The following NINJ2 variants were observed in gnomAD, a reference collection of about 807,000 sequenced individuals.
NINJ2 encodes ninjurin-2.
A neutral mutation model predicts 11.7 loss-of-function variants in NINJ2; 12 were observed. That is an observed-to-expected ratio of 1.02 (90% CI 0.66 to 1.66). The LOEUF is 1.66. Ranked by LOEUF, NINJ2 falls within the 40% of genes most tolerant of loss-of-function variation. The pLI is 0.00. For synonymous variants in NINJ2, 93 were observed against 76.8 expected, an observed-to-expected ratio of 1.21 and a Z score of -1.10; for missense variants, 187 against 181.8, an observed-to-expected ratio of 1.03 and a Z score of -0.16.
intron 1 of NINJ2, among the ~76,000 whole-genome samples, chr12:639,998 G>A (rs959879546): frequency 3.3e-5 from 5 of 152,224 alleles, no homozygotes; most frequent in African/African-American, 7.2e-5. Flanking sequence ...CCAGGCCCCC[G>A]AATAGTGTAT....
chr12:630,289 T>C (rs1423850412), intron 1 of NINJ2, among the ~76,000 whole-genome samples: 1 of 152,194 alleles, frequency 6.6e-6, no homozygotes, highest in African/African-American at 2.4e-5. Flanking sequence ...GTTGTAATTA[T>C]AGCAGAGAGG....
chr12:627,159 G>A (rs571531199), intron 1 of NINJ2, among the ~76,000 whole-genome samples: 1 of 152,244 alleles, frequency 6.6e-6, no homozygotes, highest in East Asian at 1.9e-4. Flanking sequence ...CCTAATAACT[G>A]TTAACTATTA....
At chr12:630,058 C>T (rs1948260379) in intron 1 of NINJ2, among the ~76,000 whole-genome samples, 1 of 150,930 alleles carries the variant, frequency 6.6e-6, no homozygotes, top group Non-Finnish European at 1.5e-5. Flanking sequence ...TGAAAAAGAG[C>T]ACTCTTCAGC....
rs1301976948 is a variant in NINJ2 at position 591,696 on chromosome 12, T to A, written c.34-25518A>T. Among the ~76,000 whole-genome samples the A allele has an allele frequency of 6.6e-6, 1 of 152,140 alleles. No individual in the cohort carries two copies. Among genetic ancestry groups the A allele is most frequent in the East Asian group, 1.9e-4 (1 of 5,198 alleles). ...AGTGCAGTGTCACCAGTCTGGCTTCTCGCCCCAGGTCCCTTGGGCACGTCT... is the reference window on the plus strand; with the variant it reads ...AGTGCAGTGTCACCAGTCTGGCTTCACGCCCCAGGTCCCTTGGGCACGTCT... On this transcript the variant is annotated intron_variant, in intron 1 of 3. Coordinates refer to ENST00000305108, the MANE Select transcript of NINJ2 (RefSeq NM_016533.6). This position sits in a 1 kb window ranked among gnomAD's most constrained non-coding sequence, Gnocchi z 5.0.
intron 1 of NINJ2, among the ~76,000 whole-genome samples, chr12:649,248 T>C (rs1199157470): frequency 1.3e-5 from 2 of 152,004 alleles, no homozygotes; most frequent in East Asian, 3.9e-4. Context: ...GGTTTTGCCA[T>C]GTTGGCCAGA....
At chr12:610,504 G>A in intron 1 of NINJ2, 1 of 1,517,198 alleles carries the variant, frequency 6.6e-7, no homozygotes, top group Non-Finnish European at 8.8e-7. Flanking sequence ...GCCCCCGTGG[G>A]TCCCCACAGC....
intron 1 of NINJ2, among the ~76,000 whole-genome samples, chr12:590,380 G>C (rs1432283207): frequency 6.6e-6 from 1 of 152,214 alleles, no homozygotes; most frequent in Non-Finnish European, 1.5e-5. Flanking sequence ...GACTGGGTGA[G>C]CGATTGGATG....
intron 1 of NINJ2, chr12:632,369 G>A (rs1434142391): frequency 1.3e-5 from 2 of 152,236 alleles, no homozygotes; most frequent in Non-Finnish European, 2.9e-5. Context: ...TGTCAGGAGT[G>A]TTTGGGCAGG....
chr12:628,870 A>C lies in NINJ2; in HGVS notation c.33+34458T>G, dbSNP rs1003900475. 6.6e-6 allele frequency among the ~76,000 whole-genome samples: 1 copy of C among 152,220 alleles called. No individual in the cohort carries two copies. Among genetic ancestry groups the C allele is most frequent in the East Asian group, 1.9e-4 (1 of 5,202 alleles). On this transcript the variant is annotated intron_variant, in intron 1 of 3. Coordinates refer to ENST00000305108, the MANE Select transcript of NINJ2 (RefSeq NM_016533.6). The surrounding 1 kb of genome is among the most constrained non-coding windows in gnomAD (Gnocchi z 4.4). ...TTACAAATGCCATGGCAACACCTGG[A>C]AATTATCCTATATGGTCTAAAAGAA...
chr12:611,066 A>T (rs1379792851), intron 1 of NINJ2, among the ~76,000 whole-genome samples: 2 of 152,168 alleles, frequency 1.3e-5, no homozygotes, highest in African/African-American at 4.8e-5. Flanking sequence ...ACTCTGTGTT[A>T]CCAAATTCAG....
chr12:660,931 A>C (rs138326780), intron 1 of NINJ2, among the ~76,000 whole-genome samples: 129 of 152,242 alleles, frequency 8.5e-4, no homozygotes, highest in African/African-American at 3.0e-3. Flanking sequence ...ACTACACTCC[A>C]CCCTAGGCGA....
In NINJ2 at chr12:640,199, A is replaced by G. The variant is rs1031125154; in HGVS notation, c.33+23129T>C. Among the ~76,000 whole-genome samples the G allele has an allele frequency of 5.3e-5, 8 of 152,254 alleles. No individual in the cohort carries two copies. Among genetic ancestry groups the G allele is most frequent in the African/African-American group, 1.9e-4 (8 of 41,470 alleles). ...AAGCTGAGCAGTCAGTCACATGATTACCAAGGTATTGAGATGGAAGAACTG... is the reference window on the plus strand; with the variant it reads ...AAGCTGAGCAGTCAGTCACATGATTGCCAAGGTATTGAGATGGAAGAACTG... On this transcript the variant is annotated intron_variant, in intron 1 of 3. Coordinates refer to ENST00000305108, the MANE Select transcript of NINJ2 (RefSeq NM_016533.6). This position sits in a 1 kb window ranked among gnomAD's most constrained non-coding sequence, Gnocchi z 4.0.
Position 634,265 on chromosome 12 carries a change from CTTTTT to C in NINJ2, c.33+29058_33+29062del, listed in dbSNP as rs67797144. On this transcript the variant is annotated intron_variant, in intron 1 of 3. Transcript: ENST00000305108. Reference sequence around the variant, plus strand: ...AAATAAATGTTGATTAGTTGCAGTTCTTTTTTTTTTTTTTTTTTTTTTTTTGCACT... The same window carrying C: ...AAATAAATGTTGATTAGTTGCAGTTCTTTTTTTTTTTTTTTTTTTTGCACT... Among the ~76,000 whole-genome samples the C allele has an allele frequency of 9.2e-3, 547 of 59,550 alleles. 2 individuals carry two copies. The highest frequency in any genetic ancestry group is 0.033 in the South Asian group (31 of 936). 39.1% of individuals were successfully genotyped at this position (59,550 alleles called of 152,430 possible).
chr12:656,089 G>T (rs1054679203), intron 1 of NINJ2, among the ~76,000 whole-genome samples: 2 of 152,134 alleles, frequency 1.3e-5, no homozygotes, highest in Non-Finnish European at 2.9e-5. Flanking sequence ...GACCCGCAGG[G>T]CGTAGTGGCT....
chr12:658,023 G>A (rs553854989), intron 1 of NINJ2, among the ~76,000 whole-genome samples: 24 of 109,754 alleles, frequency 2.2e-4, no homozygotes, highest in Non-Finnish European at 3.2e-4. Flanking sequence ...TTTTGAGGCA[G>A]AGTCTCACTC....
chr12:660,922 C>CTACA (rs1304485913), intron 1 of NINJ2, among the ~76,000 whole-genome samples: 3 of 152,120 alleles, frequency 2.0e-5, no homozygotes, highest in Admixed American at 6.5e-5. Context: ...GATTTTGCCA[C>CTACA]TACACTCCAC....
chr12:567,260 G>A (rs977250499), intron 1 of NINJ2, among the ~76,000 whole-genome samples: 8 of 151,924 alleles, frequency 5.3e-5, no homozygotes, highest in African/African-American at 1.7e-4. Flanking sequence ...AGGATGCTAT[G>A]GCCTGGAGGT....
chr12:631,297 C>A, intron 1 of NINJ2, among the ~76,000 whole-genome samples: 1 of 152,222 alleles, frequency 6.6e-6, no homozygotes, highest in Admixed American at 6.5e-5. Flanking sequence ...ATGTTCCAGA[C>A]ATGCGTGGGC....
chr12:589,986 G>C (rs1210136909), intron 1 of NINJ2, among the ~76,000 whole-genome samples: 2 of 152,218 alleles, frequency 1.3e-5, no homozygotes, highest in Non-Finnish European at 2.9e-5. Flanking sequence ...GGAGCGGTGT[G>C]GGGCAGCGGA....
Sources: allele counts gnomAD v4.1 joint callset (sites outside exome capture counted in the v4.1 genomes callset), GRCh38; gene constraint gnomAD v4.1.1; non-coding constraint Gnocchi (gnomAD v3.1); transcripts MANE v1.5; gene names NCBI Gene and HGNC (gene_info 2026-07-23, HGNC 2026-07-21).